The following VWA8 variants were observed in gnomAD, a reference collection of about 807,000 sequenced individuals.
VWA8 encodes von Willebrand factor A domain-containing protein 8.
Under a neutral mutation model 241.5 loss-of-function variants are expected in VWA8, and 221 were observed. The ratio of observed to expected loss-of-function variants is 0.91; its 90% CI spans 0.82 to 1.02. The LOEUF (loss-of-function observed/expected upper bound fraction) is 1.02, where lower values mean the gene tolerates loss of function less well. Among genes scored for constraint, VWA8 ranks in the 50% least tolerant of loss-of-function variants. The pLI is 0.00. For synonymous variants in VWA8, 852 were observed against 827.1 expected, an observed-to-expected ratio of 1.03 and a Z score of -0.52; for missense variants, 2,322 against 2,328.7, an observed-to-expected ratio of 1.00 and a Z score of 0.06.
chr13:41,960,815 AGG>A, intron 1 of VWA8, 36 bp downstream of exon 1: 1 of 1,502,670 alleles, frequency 6.7e-7, no homozygotes, highest in Non-Finnish European at 8.8e-7. Context: ...CACGGAGCGC[AGG>A]GGCACCAGGG....
At chr13:41,682,445 A>T (rs1161610981) in intron 35 of VWA8, among the ~76,000 whole-genome samples, 2 of 152,244 alleles carry the variant, frequency 1.3e-5, no homozygotes, top group Admixed American at 1.3e-4. Context: ...AAAACATAGA[A>T]GATTTGCCCT....
intron 13 of VWA8, among the ~76,000 whole-genome samples, chr13:41,832,110 T>C (rs1196970115): frequency 6.6e-6 from 1 of 151,800 alleles, no homozygotes; most frequent in Non-Finnish European, 1.5e-5. Flanking sequence ...TTTGTATTTT[T>C]AGTAGAGAAA....
chr13:41,903,509 G>A (rs756019982), intron 4 of VWA8, among the ~76,000 whole-genome samples: 1 of 152,066 alleles, frequency 6.6e-6, no homozygotes, highest in Non-Finnish European at 1.5e-5. Flanking sequence ...AGCCTGGTGC[G>A]GCATGGTATA....
chr13:41,805,999 A>G (rs983526868), intron 17 of VWA8, among the ~76,000 whole-genome samples: 6 of 115,856 alleles, frequency 5.2e-5, no homozygotes, highest in African/African-American at 1.7e-4. Flanking sequence ...AAAATTCAAA[A>G]ATAAAAAAAA....
intron 21 of VWA8, among the ~76,000 whole-genome samples, chr13:41,734,324 C>T (rs960386057): frequency 2.0e-5 from 3 of 151,922 alleles, no homozygotes; most frequent in South Asian, 2.1e-4. Flanking sequence ...GGTGACAGAG[C>T]GAGACTCCGT....
intron 37 of VWA8, among the ~76,000 whole-genome samples, chr13:41,621,384 A>G (rs1419656637): frequency 1.3e-5 from 2 of 152,176 alleles, no homozygotes; most frequent in African/African-American, 4.8e-5. Context: ...ATTGGGATGT[A>G]AGCCCGTTGT....
At chr13:41,691,048 A>G (rs573093656) in intron 32 of VWA8, among the ~76,000 whole-genome samples, 1 of 152,236 alleles carries the variant, frequency 6.6e-6, no homozygotes, top group Non-Finnish European at 1.5e-5. Context: ...GTGAATTCTC[A>G]ATGTACAAAT....
chr13:41,754,788 G>T (rs976950729), intron 21 of VWA8, among the ~76,000 whole-genome samples: 2 of 152,002 alleles, frequency 1.3e-5, no homozygotes, highest in African/African-American at 4.8e-5. Context: ...CCACGCTTCT[G>T]CTCTCTTATC....
At chr13:41,594,957 A>G (rs577357335) in intron 40 of VWA8, among the ~76,000 whole-genome samples, 5 of 152,302 alleles carry the variant, frequency 3.3e-5, no homozygotes, top group Admixed American at 3.3e-4. Context: ...TTCCTAGAGG[A>G]CTGCATGTCC....
intron 2 of VWA8, among the ~76,000 whole-genome samples, chr13:41,924,496 G>A (rs1876734573): frequency 6.6e-6 from 1 of 151,968 alleles, no homozygotes; most frequent in African/African-American, 2.4e-5. Flanking sequence ...AGAAAACAGA[G>A]TGAAAAAGAG....
Position 41,832,866 on chromosome 13 carries a change from A to G in VWA8, c.1586+505T>C, listed in dbSNP as rs189247165. 1.6e-3 allele frequency among the ~76,000 whole-genome samples: 248 copies of G among 152,148 alleles called. 6 individuals are homozygous for G. The highest frequency in any genetic ancestry group is 2.5e-4 in the Non-Finnish European group (17 of 68,014). ...AGAAATGTTCAAGTTTATAATTAAC[A>G]AAGTGAGCTTTTTTAGTCTATATAA... is the stretch of plus-strand genomic sequence containing the variant. On this transcript the variant is annotated intron_variant, in intron 13 of 44. Coordinates refer to ENST00000379310, the MANE Select transcript of VWA8 (RefSeq NM_015058.2).
At chr13:41,609,436 T>C (rs2044573460) in intron 39 of VWA8, among the ~76,000 whole-genome samples, 1 of 152,154 alleles carries the variant, frequency 6.6e-6, no homozygotes, top group African/African-American at 2.4e-5. Flanking sequence ...ATATTGACAA[T>C]GAAATGATAG....
At chr13:41,761,572 T>A (rs558115331) in intron 20 of VWA8, among the ~76,000 whole-genome samples, 2 of 152,218 alleles carry the variant, frequency 1.3e-5, no homozygotes, top group Admixed American at 1.3e-4. Flanking sequence ...CAAGTAAGTA[T>A]AAAACAATGG....
chr13:41,949,936 T>G lies in VWA8; in HGVS notation c.241A>C (p.Ile81Leu). Reference sequence around the variant, plus strand: ...TCATATATTAATAAATATTTCTTACTGTAGTTCTGTGGCACAAGTTCTGGA... The same window carrying G: ...TCATATATTAATAAATATTTCTTACGGTAGTTCTGTGGCACAAGTTCTGGA... ...KNPELVPQNY[I>L]SDSLAQSVVQ... is the part of the protein sequence containing the mutation. The change falls in exon 2 of 45, where the codon ATT becomes CTT. Residue 81 changes from isoleucine (I) to leucine (L), a missense_variant and splice_region_variant. By Grantham distance (5) the Ile-to-Leu change is conservative. Transcript: ENST00000379310. The G allele has an allele frequency of 3.2e-6, 5 of 1,557,628 alleles. No individual in the cohort carries two copies. The highest frequency in any genetic ancestry group is 4.4e-6 in the Non-Finnish European group (5 of 1,141,754).
chr13:41,848,776 C>T (rs986524088), intron 12 of VWA8, among the ~76,000 whole-genome samples: 2 of 152,154 alleles, frequency 1.3e-5, no homozygotes, highest in African/African-American at 4.8e-5. Flanking sequence ...GCAGCCTTCC[C>T]ACCTATGTGA....
intron 21 of VWA8, among the ~76,000 whole-genome samples, chr13:41,756,004 A>G (rs1593748433): frequency 6.6e-6 from 1 of 151,850 alleles, no homozygotes; most frequent in East Asian, 1.9e-4. Flanking sequence ...TAGAAACAAA[A>G]CATACAAAAG....
intron 39 of VWA8, among the ~76,000 whole-genome samples, chr13:41,605,749 T>A (rs1292388894): frequency 6.6e-6 from 1 of 152,170 alleles, no homozygotes; most frequent in Non-Finnish European, 1.5e-5. Context: ...AGATCATGTA[T>A]TTGGTTGACC....
rs751725027 is a variant in VWA8, at chr13:41,886,805, A to G, written c.842T>C (p.Ile281Thr). 7 of 1,593,220 alleles carry G rather than the reference A, an allele frequency of 4.4e-6. No homozygotes were observed. The Admixed American group carries it at 5.6e-5, about 13-fold the overall frequency. The change falls in exon 7 of 45, where the codon ATT (isoleucine) becomes ACT (threonine). Residue 281 changes from isoleucine (I) to threonine (T), a missense_variant. Coordinates refer to ENST00000379310, the MANE Select transcript of VWA8 (RefSeq NM_015058.2). ...FKDQLKLLYS[I>T]GANVSAEKVS... The stretch of plus-strand genomic sequence containing the variant: ...CTTCTCAGCAGAAACATTGGCTCCA[A>G]TTGAATATAACAACTTAAGTTGGTC...
intron 41 of VWA8, among the ~76,000 whole-genome samples, chr13:41,588,018 C>T (rs1566377964): frequency 6.6e-6 from 1 of 152,200 alleles, no homozygotes; most frequent in Non-Finnish European, 1.5e-5. Flanking sequence ...ATGTCATTTT[C>T]ACTTCATGCC....
Sources: gnomAD v4.1 joint callset for allele counts (sites outside exome capture counted in the v4.1 genomes callset) on GRCh38, gnomAD v4.1.1 for gene constraint, MANE v1.5 for transcripts, NCBI Gene and HGNC (gene_info 2026-07-23, HGNC 2026-07-21) for gene names.